Variants in CASKIN1 observed in about 807,000 individuals in gnomAD.
CASKIN1 encodes CASK interacting protein 1.
In CASKIN1, 42 loss-of-function variants were observed where a neutral mutation model predicts 117.5. The ratio of observed to expected loss-of-function variants is 0.36; its 90% confidence interval spans 0.28 to 0.46. CASKIN1 has a LOEUF of 0.46. Among genes scored for constraint, CASKIN1 ranks in the 20% least tolerant of loss-of-function variants. The pLI is 1.00. For missense variants in CASKIN1, 2,083 were observed against 2,077.3 expected, an observed-to-expected ratio of 1.00 and a Z score of -0.05; for synonymous variants, 1,148 against 961.7, an observed-to-expected ratio of 1.19 and a Z score of -3.59.
At chr16:2,194,504 C>T (rs1323373219) in intron 1 of CASKIN1, among the ~76,000 whole-genome samples, 1 of 152,158 alleles carries the variant, frequency 6.6e-6, no homozygotes, top group Admixed American at 6.5e-5. Flanking sequence ...ATGGGGACAG[C>T]CCTGGGCTCA....
rs1368472860 is a variant in CASKIN1 at position 2,179,377 on chromosome 16, C to T, written c.3776-52G>A. 2.2e-6 allele frequency: 3 copies of T among 1,333,650 alleles called. No homozygotes were observed. Among genetic ancestry groups the T allele is most frequent in the African/African-American group, 3.1e-5 (2 of 64,730 alleles). The allele number at this position is 1,333,650 out of a possible 1,614,324, so 82.6% of individuals were successfully genotyped here. On this transcript the variant is annotated intron_variant, in intron 18 of 19. Transcript: ENST00000343516. This position sits in a 1 kb window ranked among gnomAD's most constrained non-coding sequence, Gnocchi z 5.8. ...AGCGGGCACGAGTTCCGCCGCCGCG[C>T]CCCCTGCCCCAGCCTCCCGCGGCTT... is the stretch of plus-strand genomic sequence containing the variant.
At position 2,178,997 on chromosome 16, in the gene CASKIN1, G is replaced by A. The variant is rs1166786873; in HGVS notation, c.4104C>T (p.Ser1368=). 9 of 1,323,580 alleles carry A rather than the reference G, an allele frequency of 6.8e-6. No homozygotes were observed. The highest frequency in any genetic ancestry group is 7.7e-6 in the Non-Finnish European group (8 of 1,036,092). 82.0% of individuals were successfully genotyped at this position (1,323,580 alleles called of 1,614,324 possible). A position where few individuals can be genotyped will look rare whatever the true frequency, so the allele number is the denominator to read the frequency against. The change falls in exon 19 of 20, where the codon AGC becomes AGT. Residue 1368 remains serine, a synonymous_variant. Coordinates refer to ENST00000343516, the MANE Select transcript of CASKIN1 (RefSeq NM_020764.4). ...APPEGASPGD[S]ARQKLEETSA... is the part of the protein sequence containing the mutation. Reference sequence around the variant, plus strand: ...TTGTCTCCTCCAGTTTCTGCCGGGCGCTGTCCCCTGGCGAGGCGCCTTCGG... The same window carrying A: ...TTGTCTCCTCCAGTTTCTGCCGGGCACTGTCCCCTGGCGAGGCGCCTTCGG...
rs1009775694 is a variant in CASKIN1, at chr16:2,189,512, C to G, written c.297G>C (p.Lys99Asn). ...AAWQGRKEPM[K>N]LVLKAGSAVN... Reference sequence around the variant, plus strand: ...CGGCCGAGCCCGCCTTCAGCACCAGCTTCATGGGCTCCTTCCGGCCCTGCC... The same window carrying G: ...CGGCCGAGCCCGCCTTCAGCACCAGGTTCATGGGCTCCTTCCGGCCCTGCC... Residue 99 changes from lysine to asparagine, a missense_variant, in exon 4 of 20, where the codon AAG (lysine) becomes AAC (asparagine). Physicochemically the swap from Lys to Asn is moderately conservative, Grantham distance 94. Coordinates refer to ENST00000343516, the MANE Select transcript of CASKIN1 (RefSeq NM_020764.4). The G allele has an allele frequency of 1.9e-6, 3 of 1,611,924 alleles. No individual in the cohort carries two copies. The highest frequency in any genetic ancestry group is 2.5e-6 in the Non-Finnish European group (3 of 1,179,806).
At chr16:2,188,869 A>T in intron 6 of CASKIN1, 158 bp downstream of exon 6, 1 of 1,032,272 alleles carries the variant, frequency 9.7e-7, no homozygotes, top group South Asian at 1.6e-5. Context: ...CTCATCCTGT[A>T]CATGGGCCCT....
At chr16:2,190,466 G>T in intron 1 of CASKIN1, 108 bp from the exon 2 acceptor site, 1 of 991,484 alleles carries the variant, frequency 1.0e-6, no homozygotes, top group Non-Finnish European at 1.5e-6. Context: ...CAAAGCTGCT[G>T]GGCTCTCAGT....
chr16:2,187,332 G>C, intron 7 of CASKIN1, 21 bp downstream of exon 7: 2 of 1,612,952 alleles, frequency 1.2e-6, no homozygotes, highest in Non-Finnish European at 1.7e-6. Context: ...TGGGCCCAGC[G>C]CCCCTGGGCC....
intron 11 of CASKIN1, 37 bp from the exon 12 acceptor site, chr16:2,185,236 G>T: frequency 6.2e-7 from 1 of 1,606,248 alleles, no homozygotes; most frequent in South Asian, 1.1e-5. Context: ...GCCAGTGCCG[G>T]CCCCTGCCTG....
At chr16:2,185,656 T>C (rs1362168877) in intron 10 of CASKIN1, among the ~76,000 whole-genome samples, 1 of 152,182 alleles carries the variant, frequency 6.6e-6, no homozygotes, top group Non-Finnish European at 1.5e-5. Flanking sequence ...GGGCCAGAGA[T>C]TGCTGGACGG....
Position 2,185,145 on chromosome 16 carries a change from C to T in CASKIN1, c.1205G>A (p.Gly402Asp). Residue 402 changes from glycine to aspartate, a missense_variant, in exon 12 of 20, where the codon GGT becomes GAT. Coordinates refer to ENST00000343516, the MANE Select transcript of CASKIN1 (RefSeq NM_020764.4). ...TTCAGAGCCCGCGTGTAGGGCGTGA[C>T]CCCCGCTGCCCCGGCCGCCAGCCAT... ...SGMAGGRGSG[G>D]HALHAGSEGV... 6.2e-7 allele frequency: 1 copy of T among 1,608,730 alleles called. No homozygotes were observed. Among genetic ancestry groups the T allele is most frequent in the Non-Finnish European group, 8.5e-7 (1 of 1,179,634 alleles).
chr16:2,180,651 G>C lies in CASKIN1; in HGVS notation c.2717C>G (p.Pro906Arg). 1 of 1,533,842 alleles carries C rather than the reference G, an allele frequency of 6.5e-7. No homozygotes were observed. Residue 906 changes from proline (P) to arginine (R), a missense_variant, in exon 18 of 20, where the codon CCC (proline) becomes CGC (arginine). By Grantham distance (103) the Pro-to-Arg change is moderately radical (BLOSUM62 -2). This residue lies in a region of CASKIN1 where 1,818 missense variants were observed against 1,688.9 expected (regional missense o/e 1.08). Transcript: ENST00000343516. ...DELLVPAAAG[P>R]YATVQRRVGR... ...CACGCGCCGCTGGACCGTGGCATAGGGGCCGGCAGCCGCAGGCACCAGCAG... is the reference window on the plus strand; with the variant it reads ...CACGCGCCGCTGGACCGTGGCATAGCGGCCGGCAGCCGCAGGCACCAGCAG...
At chr16:2,189,692 G>A in intron 3 of CASKIN1, 128 bp from the exon 4 acceptor site, 1 of 914,780 alleles carries the variant, frequency 1.1e-6, no homozygotes, top group Non-Finnish European at 1.6e-6. Flanking sequence ...GCTAGGAGCT[G>A]ACTTCTGACA....
intron 1 of CASKIN1, among the ~76,000 whole-genome samples, chr16:2,191,917 C>A (rs1043264025): frequency 3.3e-5 from 5 of 152,256 alleles, no homozygotes; most frequent in African/African-American, 1.2e-4. Flanking sequence ...TAAGTGCCAT[C>A]CCCTCCCCAC....
chr16:2,179,882 C>T lies in CASKIN1; in HGVS notation c.3486G>A (p.Glu1162=), dbSNP rs755132386. Residue 1162 remains glutamate (E), a synonymous_variant, in exon 18 of 20, where the codon GAG becomes GAA. Coordinates refer to ENST00000343516, the MANE Select transcript of CASKIN1 (RefSeq NM_020764.4). The surrounding 1 kb of genome is among the most constrained non-coding windows in gnomAD (Gnocchi z 5.8). ...GGTACACGGACAGTGGCGGTGGTGG[C>T]TCAGGCCCGGCCTCCCGCTCCTTGG... ...PKAKEREAGP[E]PPPPLSVYHN... 4 of 1,605,370 alleles carry T rather than the reference C, an allele frequency of 2.5e-6. No homozygotes were observed. The highest frequency in any genetic ancestry group is 3.4e-6 in the Non-Finnish European group (4 of 1,176,142).
Position 2,196,307 on chromosome 16 carries a change from T to C in CASKIN1, c.94+32A>G. On this transcript the variant is annotated intron_variant, in intron 1 of 19. Coordinates refer to ENST00000343516, the MANE Select transcript of CASKIN1 (RefSeq NM_020764.4). The surrounding 1 kb of genome is among the most constrained non-coding windows in gnomAD (Gnocchi z 5.7). ...CGCGCCGGGGAGGGGCCCCCGGGGC[T>C]CCCACCCGCGCCCCGCGCCCCCGGC... The C allele has an allele frequency of 9.4e-7, 1 of 1,068,322 alleles. No individual in the cohort carries two copies. Among genetic ancestry groups the C allele is most frequent in the Non-Finnish European group, 1.2e-6 (1 of 862,800 alleles). The allele number at this position is 1,068,322 out of a possible 1,614,324, so 66.2% of individuals were successfully genotyped here.
Position 2,179,849 on chromosome 16 carries a change from G to A in CASKIN1, c.3519C>T (p.Gly1173=), listed in dbSNP as rs2093160816. Residue 1173 remains glycine, a synonymous_variant, in exon 18 of 20, where the codon GGC becomes GGT. Transcript: ENST00000343516. The surrounding 1 kb of genome is among the most constrained non-coding windows in gnomAD (Gnocchi z 5.8). The part of the protein sequence containing the change: ...PPPPLSVYHN[G]TGTVRRRPAS... Reference sequence around the variant, plus strand: ...CCGGTCGGCGGCGCACGGTGCCAGTGCCATTATGGTACACGGACAGTGGCG... The same window carrying A: ...CCGGTCGGCGGCGCACGGTGCCAGTACCATTATGGTACACGGACAGTGGCG... 1.9e-6 allele frequency: 3 copies of A among 1,605,936 alleles called. No homozygotes were observed. The highest frequency in any genetic ancestry group is 2.2e-5 in the East Asian group (1 of 44,506).
chr16:2,183,180 A>C (rs1013799104), intron 16 of CASKIN1, among the ~76,000 whole-genome samples: 29 of 152,094 alleles, frequency 1.9e-4, no homozygotes, highest in African/African-American at 6.8e-4. Flanking sequence ...CGTGCGGTGG[A>C]GCATGTGTGC....
intron 6 of CASKIN1, 196 bp downstream of exon 6, chr16:2,188,831 G>T: frequency 2.8e-6 from 2 of 723,210 alleles, no homozygotes; most frequent in Non-Finnish European, 4.4e-6. Flanking sequence ...CAGAGACGTC[G>T]CAGAAGCCCC....
intron 1 of CASKIN1, among the ~76,000 whole-genome samples, chr16:2,195,534 G>A (rs993569443): frequency 3.9e-5 from 6 of 152,244 alleles, no homozygotes; most frequent in Non-Finnish European, 7.3e-5. Flanking sequence ...GGGAGGCTAC[G>A]CGCTGAGCCA....
Position 2,196,266 on chromosome 16 carries a change from G to T in CASKIN1, c.94+73C>A. 2 of 578,768 alleles carry T rather than the reference G, an allele frequency of 3.5e-6. No individual in the cohort carries two copies. Among genetic ancestry groups the T allele is most frequent in the Non-Finnish European group, 4.7e-6 (2 of 428,928 alleles). 35.9% of individuals were successfully genotyped at this position (578,768 alleles called of 1,614,324 possible). A position where few individuals can be genotyped will look rare whatever the true frequency, so the allele number is the denominator to read the frequency against. ...CGACAACGTCCCCTCCCCGCCCGGC[G>T]CCGGGTGGGGGGCTCCGCGCCGGGG... On this transcript the variant is annotated intron_variant, in intron 1 of 19. Transcript: ENST00000343516. The surrounding 1 kb of genome is among the most constrained non-coding windows in gnomAD (Gnocchi z 5.7).
Sources: allele counts gnomAD v4.1 joint callset (sites outside exome capture counted in the v4.1 genomes callset), GRCh38; gene constraint gnomAD v4.1.1; regional missense constraint gnomAD v4.1.1; non-coding constraint Gnocchi (gnomAD v3.1); transcripts MANE v1.5; gene names NCBI Gene and HGNC (gene_info 2026-07-23, HGNC 2026-07-21).